Variants in ABCA7 observed in about 807,000 individuals in gnomAD.
ABCA7 encodes phospholipid-transporting ATPase ABCA7.
Under a neutral mutation model 227.6 loss-of-function variants are expected in ABCA7, and 261 were observed. That is an observed-to-expected ratio of 1.15 (90% CI 1.04 to 1.27). The LOEUF (loss-of-function observed/expected upper bound fraction) is 1.27, where lower values mean the gene tolerates loss of function less well. Among genes scored for constraint, ABCA7 ranks in the 50% most tolerant of loss-of-function variants. The pLI is 0.00. For missense variants in ABCA7, 3,331 were observed against 2,924.5 expected, an observed-to-expected ratio of 1.14 and a Z score of -3.21; for synonymous variants, 1,488 against 1,279.7, an observed-to-expected ratio of 1.16 and a Z score of -3.47.
At position 1,047,372 on chromosome 19, in the gene ABCA7, G is replaced by A. The variant is rs2040804099; in HGVS notation, c.2061G>A (p.Val687=). The A allele has an allele frequency of 6.4e-7, 1 of 1,567,824 alleles. No homozygotes were observed. Among genetic ancestry groups the A allele is most frequent in the Admixed American group, 1.9e-5 (1 of 53,850 alleles). The change falls in exon 15 of 47, where the codon GTG becomes GTA. Residue 687 remains valine, a synonymous_variant. Coordinates refer to ENST00000263094, the MANE Select transcript of ABCA7 (RefSeq NM_019112.4). ...WRDRLPAGGR[V]AASLLSPVAF... is the part of the protein sequence containing the mutation. ...ACCGGCTGCCCGCGGGTGGCCGCGT[G>A]GCCGCGGTGAGAGCCGGGTCGGGCG...
rs763797588 is a variant in ABCA7, at chr19:1,053,771, C to T, written c.3424-17C>T. On this transcript the variant is annotated splice_polypyrimidine_tract_variant and intron_variant, in intron 24 of 46. Transcript: ENST00000263094. ...CCTGTCGGTGTCCAGTCTCTGAGCCCCTGCTTGTCTCCCCAGATCTTCCTG... is the reference window on the plus strand; with the variant it reads ...CCTGTCGGTGTCCAGTCTCTGAGCCTCTGCTTGTCTCCCCAGATCTTCCTG... 8.1e-6 allele frequency: 13 copies of T among 1,608,486 alleles called. No individual in the cohort carries two copies. The African/African-American group carries it at 1.6e-4, about 20-fold the overall frequency.
chr19:1,054,236 C>T lies in ABCA7; in HGVS notation c.3621C>T (p.Ala1207=), dbSNP rs530214283. 6.0e-5 allele frequency: 96 copies of T among 1,608,186 alleles called. No homozygotes were observed. Among genetic ancestry groups the T allele is most frequent in the South Asian group, 4.7e-4 (43 of 90,894 alleles). The change falls in exon 27 of 47, where the codon GCC becomes GCT. Residue 1207 remains alanine, a synonymous_variant. Coordinates refer to ENST00000263094, the MANE Select transcript of ABCA7 (RefSeq NM_019112.4). This position sits in a 1 kb window ranked among gnomAD's most constrained non-coding sequence, Gnocchi z 4.8. ...CTGACCAGGGCTCTGGGCCAGACGCCGTGGGCCGGGTACAGGGCTGGGCAC... is the reference window on the plus strand; with the variant it reads ...CTGACCAGGGCTCTGGGCCAGACGCTGTGGGCCGGGTACAGGGCTGGGCAC... ...PETDQGSGPD[A]VGRVQGWALT...
At chr19:1,053,184 C>G in intron 23 of ABCA7, 145 bp from the exon 24 acceptor site, 1 of 808,614 alleles carries the variant, frequency 1.2e-6, no homozygotes, top group South Asian at 1.8e-5. Flanking sequence ...TGAGCCACTG[C>G]GCCCGGCCGC....
rs1451710384 is a variant in ABCA7 at position 1,051,563 on chromosome 19, A to G, written c.2939A>G (p.Glu980Gly). Reference protein sequence around the residue: ...VDPASRRGIWELLLKYREGRT... With the variant: ...VDPASRRGIWGLLLKYREGRT... ...CCTGCTTCCCGCCGCGGTATTTGGG[A>G]GCTGCTGCTCAAATACCGAGAAGGT... The change falls in exon 21 of 47, where the codon GAG (glutamate) becomes GGG (glycine). Residue 980 changes from glutamate (E) to glycine (G), a missense_variant. Glu to Gly is a moderately conservative substitution (Grantham distance 98). Coordinates refer to ENST00000263094, the MANE Select transcript of ABCA7 (RefSeq NM_019112.4). 8 of 1,612,062 alleles carry G rather than the reference A, an allele frequency of 5.0e-6. No homozygotes were observed.
rs148891749 is a variant in ABCA7 at position 1,058,878 on chromosome 19, C to T, written c.5338C>T (p.Arg1780Trp). The T allele has an allele frequency of 6.7e-5, 106 of 1,579,550 alleles. No homozygotes were observed. In the African/African-American group the frequency reaches 9.3e-4, roughly 14 times the overall value. ...GEEDEDVARE[R>W]ERVVQGATQG... ...GGAGGACGAGGATGTAGCCCGTGAA[C>T]GGGAGCGGGTGGTCCAAGGAGCCAC... is the stretch of plus-strand genomic sequence containing the variant. Residue 1780 changes from arginine (R) to tryptophan (W), a missense_variant, in exon 39 of 47, where the codon CGG (arginine) becomes TGG (tryptophan). Physicochemically the swap from Arg to Trp is moderately radical, Grantham distance 101. Coordinates refer to ENST00000263094, the MANE Select transcript of ABCA7 (RefSeq NM_019112.4).
chr19:1,063,683 G>C lies in ABCA7; in HGVS notation c.5847+5G>C, dbSNP rs752538542. ...GACCCAGCCGTGGTGTTTCTGGTGC[G>C]TGGGAGCGGTGCCTGGGTGGGGTGG... On this transcript the variant is annotated splice_donor_5th_base_variant and intron_variant, in intron 43 of 46. Coordinates refer to ENST00000263094, the MANE Select transcript of ABCA7 (RefSeq NM_019112.4). The C allele has an allele frequency of 1.3e-6, 2 of 1,586,114 alleles. No individual in the cohort carries two copies. The highest frequency in any genetic ancestry group is 2.3e-5 in the South Asian group (2 of 88,500).
At position 1,054,978 on chromosome 19, in the gene ABCA7, T is replaced by G; in HGVS notation, c.3950+100T>G. 1 of 1,534,352 alleles carries G rather than the reference T, an allele frequency of 6.5e-7. No individual in the cohort carries two copies. The highest frequency in any genetic ancestry group is 8.8e-7 in the Non-Finnish European group (1 of 1,136,260). On this transcript the variant is annotated intron_variant, in intron 29 of 46. Coordinates refer to ENST00000263094, the MANE Select transcript of ABCA7 (RefSeq NM_019112.4). This position sits in a 1 kb window ranked among gnomAD's most constrained non-coding sequence, Gnocchi z 4.8. Reference sequence around the variant, plus strand: ...CTCAGGGGGCACCTGGAGCATCCCCTGTGCCCACCTGGGAGCTGGGAGCCT... The same window carrying G: ...CTCAGGGGGCACCTGGAGCATCCCCGGTGCCCACCTGGGAGCTGGGAGCCT...
Position 1,041,847 on chromosome 19 carries a change from G to T in ABCA7, c.177G>T (p.Lys59Asn). The T allele has an allele frequency of 6.2e-7, 1 of 1,606,280 alleles. No homozygotes were observed. Among genetic ancestry groups the T allele is most frequent in the East Asian group, 2.2e-5 (1 of 44,794 alleles). Residue 59 changes from lysine (K) to asparagine (N), a missense_variant, in exon 4 of 47, where the codon AAG (lysine) becomes AAT (asparagine). Physicochemically the swap from Lys to Asn is moderately conservative, Grantham distance 94. Transcript: ENST00000263094. Reference sequence around the variant, plus strand: ...TCCCCGCAGGCCACTTCCCAAACAAGCCACTGCCATCGGCGGGCACCGTGC... The same window carrying T: ...TCCCCGCAGGCCACTTCCCAAACAATCCACTGCCATCGGCGGGCACCGTGC... ...LEHHECHFPN[K>N]PLPSAGTVPW...
rs2041955284 is a variant in ABCA7 at position 1,053,436 on chromosome 19, GAC to G, written c.3329_3330del (p.Asp1110GlyfsTer90). The stretch of plus-strand genomic sequence containing the variant: ...GGTGCTGCCCTACACGGGTGCCCAT[GAC>G]GGCAGCTTCGCCACACTCTTCCGAG... The part of the protein sequence containing the change: ...VLVLPYTGAH[D>X]GSFATLFREL... On this transcript the variant is annotated frameshift_variant, in exon 24 of 47. Coordinates refer to ENST00000263094, the MANE Select transcript of ABCA7 (RefSeq NM_019112.4). LOFTEE classifies it high-confidence loss of function. 1.2e-6 allele frequency: 2 copies of G among 1,605,188 alleles called. No individual in the cohort carries two copies. The highest frequency in any genetic ancestry group is 2.2e-5 in the South Asian group (2 of 90,008).
rs1458236763 is a variant in ABCA7, at chr19:1,056,449, ACT to A, written c.4538_4539del (p.Leu1513GlnfsTer13). The A allele has an allele frequency of 6.2e-7, 1 of 1,613,180 alleles. No individual in the cohort carries two copies. Among genetic ancestry groups the A allele is most frequent in the Non-Finnish European group, 8.5e-7 (1 of 1,179,918 alleles). ...PARHAHSITT[L>X]NHPLNLTKEQ... is the part of the protein sequence containing the mutation. ...CCCGCCACGCCCACAGCATCACCAC[ACT>A]CAACCACCCCTTGAACCTCACCAAG... On this transcript the variant is annotated frameshift_variant, in exon 33 of 47. Transcript: ENST00000263094. LOFTEE classifies it high-confidence loss of function. The surrounding 1 kb of genome is among the most constrained non-coding windows in gnomAD (Gnocchi z 4.3).
intron 9 of ABCA7, 69 bp from the exon 10 acceptor site, chr19:1,043,655 AG>A (rs2040283621): frequency 4.2e-6 from 6 of 1,416,366 alleles, no homozygotes; most frequent in Non-Finnish European, 5.9e-6. Flanking sequence ...AGCAAGGCAG[AG>A]GGGGCAGGGG....
Position 1,052,232 on chromosome 19 carries a change from G to A in ABCA7, c.3166G>A (p.Gly1056Ser), listed in dbSNP as rs1432828831. The change falls in exon 23 of 47, where the codon GGC becomes AGC. Residue 1056 changes from glycine (G) to serine (S), a missense_variant. Transcript: ENST00000263094. ...TNEKADTDMEGSVDTRQEKKN... is the reference protein window; with the variant it reads ...TNEKADTDMESSVDTRQEKKN... Reference sequence around the variant, plus strand: ...CCCGCAGGCTGACACTGACATGGAGGGCAGTGTGGACACCAGGCAGGAAAA... The same window carrying A: ...CCCGCAGGCTGACACTGACATGGAGAGCAGTGTGGACACCAGGCAGGAAAA... The A allele has an allele frequency of 1.9e-6, 3 of 1,573,188 alleles. No homozygotes were observed. Among genetic ancestry groups the A allele is most frequent in the Non-Finnish European group, 2.6e-6 (3 of 1,160,234 alleles).
At chr19:1,053,051 G>A (rs2041919611) in intron 23 of ABCA7, among the ~76,000 whole-genome samples, 1 of 152,138 alleles carries the variant, frequency 6.6e-6, no homozygotes, top group Non-Finnish European at 1.5e-5. Context: ...GTTCCACCAT[G>A]CCTGGCTAAT....
At position 1,054,519 on chromosome 19, in the gene ABCA7, A is replaced by G. The variant is rs2042069083; in HGVS notation, c.3727-51A>G. On this transcript the variant is annotated intron_variant, in intron 27 of 46. Coordinates refer to ENST00000263094, the MANE Select transcript of ABCA7 (RefSeq NM_019112.4). This position sits in a 1 kb window ranked among gnomAD's most constrained non-coding sequence, Gnocchi z 4.8. ...TAGAGCAGGAGCAGGGACAGGTGCA[A>G]GCAAGCCTGGAGGGTGGATGGAAGC... 1.3e-6 allele frequency: 2 copies of G among 1,589,542 alleles called. No homozygotes were observed. The highest frequency in any genetic ancestry group is 1.3e-5 in the African/African-American group (1 of 74,580).
chr19:1,044,700 G>A lies in ABCA7; in HGVS notation c.1171G>A (p.Ala391Thr), dbSNP rs1248399686. 4.3e-6 allele frequency: 7 copies of A among 1,612,188 alleles called. No homozygotes were observed. Among genetic ancestry groups the A allele is most frequent in the Non-Finnish European group, 5.1e-6 (6 of 1,179,864 alleles). Reference sequence around the variant, plus strand: ...TGGCTACAGCTGGCAGGACGCACACGCTGATGTGGGGCACCTGGTGGGCAC... The same window carrying A: ...TGGCTACAGCTGGCAGGACGCACACACTGATGTGGGGCACCTGGTGGGCAC... ...SGGYSWQDAHADVGHLVGTLG... is the reference protein window; with the variant it reads ...SGGYSWQDAHTDVGHLVGTLG... Residue 391 changes from alanine to threonine, a missense_variant, in exon 11 of 47, where the codon GCT becomes ACT. Transcript: ENST00000263094.
In ABCA7 at chr19:1,047,158, T is replaced by G. The variant is rs1324011410; in HGVS notation, c.1847T>G (p.Leu616Arg). The change falls in exon 15 of 47, where the codon CTG (leucine) becomes CGG (arginine). Residue 616 changes from leucine (L) to arginine (R), a missense_variant and splice_region_variant. Coordinates refer to ENST00000263094, the MANE Select transcript of ABCA7 (RefSeq NM_019112.4). The part of the protein sequence containing the change: ...SAALLVLVLK[L>R]GDILPYSHPG... ...CTAAGCTCCCGTTGCCTCTCACAGC[T>G]GGGAGACATCCTCCCCTACAGCCAC... 6.2e-7 allele frequency: 1 copy of G among 1,601,276 alleles called. No individual in the cohort carries two copies. Among genetic ancestry groups the G allele is most frequent in the South Asian group, 1.1e-5 (1 of 89,608 alleles).
chr19:1,060,268 A>G (rs1452197705), intron 40 of ABCA7, among the ~76,000 whole-genome samples: 2 of 150,192 alleles, frequency 1.3e-5, no homozygotes, highest in Admixed American at 6.6e-5. Context: ...TTGGTGTGCA[A>G]TGGTGTAATC....
intron 30 of ABCA7, among the ~76,000 whole-genome samples, chr19:1,055,704 T>C (rs1317975255): frequency 6.6e-6 from 1 of 152,072 alleles, no homozygotes; most frequent in African/African-American, 2.4e-5. Context: ...GGTTTCACCG[T>C]GTTGCCAGGC....
In ABCA7 at chr19:1,058,821, C is replaced by A. The variant is rs761520229; in HGVS notation, c.5281C>A (p.Pro1761Thr). The change falls in exon 39 of 47, where the codon CCC (proline) becomes ACC (threonine). Residue 1761 changes from proline to threonine, a missense_variant and splice_region_variant. Physicochemically the swap from Pro to Thr is conservative, Grantham distance 38. Transcript: ENST00000263094. The part of the protein sequence containing the change: ...LQHRSQLLPQ[P>T]RVRSLPLLGE... ...AGCCCACAGATATTCTGTCCCCAGG[C>A]CCAGGGTGAGGTCTCTGCCACTCCT... 1.9e-6 allele frequency: 3 copies of A among 1,581,466 alleles called. No individual in the cohort carries two copies. The highest frequency in any genetic ancestry group is 1.1e-5 in the South Asian group (1 of 87,604).
Sources: allele counts gnomAD v4.1 joint callset (sites outside exome capture counted in the v4.1 genomes callset), GRCh38; gene constraint gnomAD v4.1.1; non-coding constraint Gnocchi (gnomAD v3.1); transcripts MANE v1.5; gene names NCBI Gene and HGNC (gene_info 2026-07-23, HGNC 2026-07-21).